Variants in CACNA2D3 observed in about 807,000 individuals in gnomAD.
CACNA2D3 encodes calcium voltage-gated channel auxiliary subunit alpha2delta 3.
CACNA2D3 carries 60 observed loss-of-function variants against 160.6 expected under a neutral mutation model. The observed-to-expected ratio is 0.37, with a 90% confidence interval of 0.30 to 0.46. The LOEUF (loss-of-function observed/expected upper bound fraction) is 0.46, where lower values mean the gene tolerates loss of function less well. CACNA2D3 is among the 20% of genes least tolerant of loss of function. The pLI, the probability that CACNA2D3 is intolerant of heterozygous loss-of-function variation, is 1.00. For synonymous variants in CACNA2D3, 558 were observed against 492.9 expected (o/e 1.13, Z -1.75); for missense variants, 1,205 against 1,365.0 (o/e 0.88, Z 1.85).
intron 8 of CACNA2D3, among the ~76,000 whole-genome samples, chr3:54,579,093 A>G (rs1702633851): frequency 6.6e-6 from 1 of 152,192 alleles, no homozygotes; most frequent in Non-Finnish European, 1.5e-5. Flanking sequence ...GAGAGTGTGT[A>G]TTAGGTAGAA....
At chr3:54,391,298 G>A (rs984956123) in intron 4 of CACNA2D3, among the ~76,000 whole-genome samples, 11 of 152,114 alleles carry the variant, frequency 7.2e-5, no homozygotes, top group South Asian at 4.2e-4. Flanking sequence ...ACTTTTCCCC[G>A]TGACCTTATG....
chr3:54,286,031 T>C (rs1450461271), intron 2 of CACNA2D3, among the ~76,000 whole-genome samples: 1 of 151,774 alleles, frequency 6.6e-6, no homozygotes. Context: ...CCTCTCCTCC[T>C]CCAAAGGAAT....
chr3:54,885,316 G>A lies in CACNA2D3; in HGVS notation c.1948G>A (p.Ala650Thr), dbSNP rs1323686698. Residue 650 changes from alanine to threonine, a missense_variant, in exon 22 of 38, where the codon GCA becomes ACA. Transcript: ENST00000474759. ...HDLEHPDVSL[A>T]DEWSYCNTDL... ...CTTAGAACATCCCGATGTGTCCTTG[G>A]CAGATGAATGGTAAGAATTAAACCA... 3 of 1,613,886 alleles carry A rather than the reference G, an allele frequency of 1.9e-6. No homozygotes were observed. The highest frequency in any genetic ancestry group is 2.5e-6 in the Non-Finnish European group (3 of 1,179,840).
intron 3 of CACNA2D3, among the ~76,000 whole-genome samples, chr3:54,360,432 T>A (rs1698722234): frequency 6.6e-6 from 1 of 152,354 alleles, no homozygotes; most frequent in East Asian, 1.9e-4. Context: ...TCAATCTGCC[T>A]TTTCAGCTCT....
At chr3:54,711,159 C>T (rs1385202124) in intron 11 of CACNA2D3, among the ~76,000 whole-genome samples, 8 of 152,180 alleles carry the variant, frequency 5.3e-5, no homozygotes, top group Non-Finnish European at 1.0e-4. Context: ...CAGCTTACCT[C>T]TCTGAGCCAG....
chr3:54,637,322 T>A (rs1370052239), intron 10 of CACNA2D3, among the ~76,000 whole-genome samples: 3 of 151,728 alleles, frequency 2.0e-5, no homozygotes, highest in African/African-American at 7.3e-5. Flanking sequence ...AGACGTATCT[T>A]ATACTTGTGG....
At chr3:54,338,282 C>T (rs1186902009) in intron 3 of CACNA2D3, among the ~76,000 whole-genome samples, 1 of 152,122 alleles carries the variant, frequency 6.6e-6, no homozygotes, top group African/African-American at 2.4e-5. Context: ...ACTTGTTTAC[C>T]GTGGGCCACA....
At chr3:54,851,165 T>G (rs759448275) in intron 17 of CACNA2D3, among the ~76,000 whole-genome samples, 6 of 152,250 alleles carry the variant, frequency 3.9e-5, no homozygotes, top group South Asian at 2.1e-4. Context: ...ACAGGAACTA[T>G]TCTAAGTGTT....
intron 27 of CACNA2D3, chr3:54,918,344 T>C (rs1165704542): frequency 1.3e-4 from 48 of 383,912 alleles, no homozygotes; most frequent in East Asian, 7.0e-4. Flanking sequence ...TTTTTTTTTT[T>C]TTTTTTTTTT....
At chr3:54,737,592 G>A (rs1701559703) in intron 11 of CACNA2D3, among the ~76,000 whole-genome samples, 1 of 152,104 alleles carries the variant, frequency 6.6e-6, no homozygotes, top group Non-Finnish European at 1.5e-5. Flanking sequence ...ACAAAACAGG[G>A]AAGGGGTCAG....
intron 14 of CACNA2D3, among the ~76,000 whole-genome samples, chr3:54,820,246 C>G (rs1024518155): frequency 6.6e-6 from 1 of 152,170 alleles, no homozygotes; most frequent in Non-Finnish European, 1.5e-5. Context: ...ATAGTTACGT[C>G]TCTGTAAACA....
At chr3:54,753,958 A>G (rs1453106437) in intron 12 of CACNA2D3, among the ~76,000 whole-genome samples, 1 of 152,208 alleles carries the variant, frequency 6.6e-6, no homozygotes, top group African/African-American at 2.4e-5. Flanking sequence ...GTTATACTAT[A>G]TATCTCTTGA....
chr3:54,290,844 G>C (rs1026531393), intron 2 of CACNA2D3, among the ~76,000 whole-genome samples: 1 of 151,864 alleles, frequency 6.6e-6, no homozygotes, highest in African/African-American at 2.4e-5. Context: ...TCACTCATAG[G>C]TGGCAATTGA....
At chr3:54,164,664 T>A (rs535580581) in intron 2 of CACNA2D3, among the ~76,000 whole-genome samples, 7 of 152,116 alleles carry the variant, frequency 4.6e-5, no homozygotes, top group Non-Finnish European at 1.0e-4. Flanking sequence ...TTAGAGACCT[T>A]CGGAGGGGGC....
At chr3:54,336,570 CA>C (rs1704384516) in intron 3 of CACNA2D3, among the ~76,000 whole-genome samples, 1 of 152,084 alleles carries the variant, frequency 6.6e-6, no homozygotes, top group South Asian at 2.1e-4. Flanking sequence ...ATGAAATTTA[CA>C]TTATAACAAA....
At chr3:54,980,240 G>T (rs2107094067) in intron 29 of CACNA2D3, among the ~76,000 whole-genome samples, 1 of 152,262 alleles carries the variant, frequency 6.6e-6, no homozygotes, top group South Asian at 2.1e-4. Flanking sequence ...CATAAACCTT[G>T]TATAACCCTT....
intron 35 of CACNA2D3, among the ~76,000 whole-genome samples, chr3:55,042,329 T>C (rs1214825831): frequency 6.6e-6 from 1 of 152,146 alleles, no homozygotes; most frequent in Admixed American, 6.5e-5. Context: ...AATCCTGTTA[T>C]TATGTGCTTA....
At chr3:54,267,311 T>A (rs11130409) in intron 2 of CACNA2D3, among the ~76,000 whole-genome samples, 4 of 152,108 alleles carry the variant, frequency 2.6e-5, no homozygotes, top group Non-Finnish European at 4.4e-5. Flanking sequence ...ATAAATGCTC[T>A]TTAGTGAAAG....
intron 11 of CACNA2D3, among the ~76,000 whole-genome samples, chr3:54,680,026 A>G (rs533251636): frequency 3.9e-4 from 60 of 152,338 alleles, no homozygotes; most frequent in Non-Finnish European, 6.3e-4. Flanking sequence ...GCGGAAAGAG[A>G]TACTTTTAGT....
Sources: allele counts gnomAD v4.1 joint callset (sites outside exome capture counted in the v4.1 genomes callset), GRCh38; gene constraint gnomAD v4.1.1; transcripts MANE v1.5; gene names NCBI Gene and HGNC (gene_info 2026-07-23, HGNC 2026-07-21).